PTPRJ: variants seen among roughly 807,000 people sequenced by gnomAD.
The protein encoded by PTPRJ is receptor-type tyrosine-protein phosphatase eta.
Under a neutral mutation model 141.3 loss-of-function variants are expected in PTPRJ, and 129 were observed. The ratio of observed to expected loss-of-function variants is 0.91; its 90% CI spans 0.79 to 1.06. The LOEUF (loss-of-function observed/expected upper bound fraction) is 1.06, where lower values mean the gene tolerates loss of function less well. Among genes scored for constraint, PTPRJ ranks in the 50% least tolerant of loss-of-function variants. The pLI is 0.00. For missense variants in PTPRJ, 1,601 were observed against 1,679.7 expected (o/e 0.95, Z 0.82); for synonymous variants, 610 against 640.5 (o/e 0.95, Z 0.72).
chr11:48,100,470 C>T (rs183015628), intron 1 of PTPRJ, among the ~76,000 whole-genome samples: 1 of 152,314 alleles, frequency 6.6e-6, no homozygotes, highest in Admixed American at 6.5e-5. Context: ...CTTGTCACAA[C>T]AGTCTTATGA....
intron 1 of PTPRJ, among the ~76,000 whole-genome samples, chr11:48,066,489 C>T (rs768703070): frequency 1.3e-5 from 2 of 151,852 alleles, no homozygotes; most frequent in Non-Finnish European, 2.9e-5. Flanking sequence ...CCAGATCTCC[C>T]CTCTCCACTG....
intron 1 of PTPRJ, among the ~76,000 whole-genome samples, chr11:48,051,552 T>G (rs543783167): frequency 2.6e-5 from 4 of 152,188 alleles, no homozygotes; most frequent in African/African-American, 9.6e-5. Context: ...CACAGTGGGG[T>G]GGGTCTCATC....
At chr11:48,143,549 C>A (rs2134367862) in intron 12 of PTPRJ, among the ~76,000 whole-genome samples, 1 of 152,252 alleles carries the variant, frequency 6.6e-6, no homozygotes, top group Non-Finnish European at 1.5e-5. Context: ...GGATGACTTT[C>A]CTTTGAAAGA....
chr11:48,135,627 G>A (rs1857082535), intron 8 of PTPRJ, among the ~76,000 whole-genome samples: 2 of 151,972 alleles, frequency 1.3e-5, no homozygotes, highest in South Asian at 2.1e-4. Context: ...GATTACAGGC[G>A]TGTACCACCA....
At chr11:48,126,254 A>T (rs1266432527) in intron 6 of PTPRJ, among the ~76,000 whole-genome samples, 1 of 152,076 alleles carries the variant, frequency 6.6e-6, no homozygotes, top group African/African-American at 2.4e-5. Flanking sequence ...TTTTTAAAGC[A>T]GTTTGAGCAA....
intron 3 of PTPRJ, among the ~76,000 whole-genome samples, chr11:48,116,552 A>T (rs1374504053): frequency 6.6e-6 from 1 of 152,228 alleles, no homozygotes; most frequent in East Asian, 1.9e-4. Context: ...ATCAGACTTA[A>T]ACTACAGTTT....
intron 1 of PTPRJ, among the ~76,000 whole-genome samples, chr11:47,987,649 A>G (rs913992851): frequency 6.6e-6 from 1 of 152,246 alleles, no homozygotes; most frequent in Non-Finnish European, 1.5e-5. Flanking sequence ...GCCAGTCCCT[A>G]AGTGGAGATC....
chr11:48,030,225 A>G (rs1329075775), intron 1 of PTPRJ, among the ~76,000 whole-genome samples: 1 of 152,236 alleles, frequency 6.6e-6, no homozygotes, highest in Non-Finnish European at 1.5e-5. Context: ...ACTTAGGATT[A>G]ACTTTAGCTG....
At chr11:48,163,760 C>A in intron 23 of PTPRJ, 142 bp downstream of exon 23, 1 of 1,038,248 alleles carries the variant, frequency 9.6e-7, no homozygotes, top group Non-Finnish European at 1.4e-6. Context: ...CATGGACTTA[C>A]TCCCTAAGCC....
chr11:48,078,063 C>CT (rs1278824418), intron 1 of PTPRJ, among the ~76,000 whole-genome samples: 278 of 141,428 alleles, frequency 2.0e-3, no homozygotes, highest in Non-Finnish European at 2.1e-3. Flanking sequence ...TTTTCTTTTT[C>CT]TTTTTTTTTT....
In PTPRJ at chr11:48,092,312, A is replaced by AAAAAAG. The variant is rs1855890008; in HGVS notation, c.97-17734_97-17729dup. Among the ~76,000 whole-genome samples, 4 of 148,886 alleles carry AAAAAAG rather than the reference A, an allele frequency of 2.7e-5. No homozygotes were observed. In the East Asian group the frequency reaches 5.9e-4, roughly 22 times the overall value. On this transcript the variant is annotated intron_variant, in intron 1 of 24. Transcript: ENST00000418331. ...TTCATCTCAAAAAAAAAAAAAAAAAAAAAAAGAAAAAGAAAAAAAGAAATG... is the reference window on the plus strand; with the variant it reads ...TTCATCTCAAAAAAAAAAAAAAAAAAAAAAAGAAAAAGAAAAAGAAAAAAAGAAATG...
chr11:48,100,053 C>G (rs1263738571), intron 1 of PTPRJ, among the ~76,000 whole-genome samples: 2 of 152,120 alleles, frequency 1.3e-5, no homozygotes, highest in African/African-American at 4.8e-5. Context: ...CAGCAGACCC[C>G]ACTGGCAGGT....
intron 1 of PTPRJ, among the ~76,000 whole-genome samples, chr11:48,004,649 C>T (rs1041598020): frequency 1.3e-5 from 2 of 152,116 alleles, no homozygotes; most frequent in African/African-American, 4.8e-5. Flanking sequence ...TGAATGTTAG[C>T]AGCCCAGGCC....
chr11:48,105,941 T>C (rs1856277155), intron 1 of PTPRJ, among the ~76,000 whole-genome samples: 1 of 152,110 alleles, frequency 6.6e-6, no homozygotes, highest in African/African-American at 2.4e-5. Context: ...TACCCCAGGA[T>C]TCTTGCCCAT....
rs775296495 is a variant in PTPRJ, at chr11:48,163,439, T to A, written c.3559-19T>A. 3 of 1,612,166 alleles carry A rather than the reference T, an allele frequency of 1.9e-6. 1 individual carries two copies. The South Asian group carries it at 3.3e-5, about 18-fold the overall frequency. The stretch of plus-strand genomic sequence containing the variant: ...GGCAGCCTTTCTGTCTGGATCTAAA[T>A]CATTTTCTGGGCTTTTAGATCCAGA... On this transcript the variant is annotated intron_variant, in intron 22 of 24. Transcript: ENST00000418331.
chr11:48,159,573 T>A (rs538794450), intron 21 of PTPRJ, among the ~76,000 whole-genome samples: 8 of 152,282 alleles, frequency 5.3e-5, no homozygotes, highest in African/African-American at 1.9e-4. Flanking sequence ...TTTTAAGAGT[T>A]GGCAAGAATT....
In PTPRJ at chr11:48,137,159, T is replaced by A; in HGVS notation, c.2030T>A (p.Ile677Asn). Residue 677 changes from isoleucine to asparagine, a missense_variant, in exon 10 of 25, where the codon ATT becomes AAT. Coordinates refer to ENST00000418331, the MANE Select transcript of PTPRJ (RefSeq NM_002843.4). ...AACGCAACACAAGTAGTCACGGACA[T>A]TGGAATTACTGACGCTACAGTCACT... is the stretch of plus-strand genomic sequence containing the variant. ...SSNATQVVTD[I>N]GITDATVTEL... 1 of 1,612,832 alleles carries A rather than the reference T, an allele frequency of 6.2e-7. No individual in the cohort carries two copies.
At chr11:48,067,139 T>G (rs1855107975) in intron 1 of PTPRJ, among the ~76,000 whole-genome samples, 2 of 152,162 alleles carry the variant, frequency 1.3e-5, no homozygotes, top group Admixed American at 6.5e-5. Context: ...ACCCCGCCCC[T>G]TCCTTTTTTC....
chr11:48,107,182 T>C (rs1285326564), intron 1 of PTPRJ, among the ~76,000 whole-genome samples: 3 of 151,848 alleles, frequency 2.0e-5, no homozygotes, highest in Non-Finnish European at 4.4e-5. Flanking sequence ...TCTTTTTCTC[T>C]GAGGCCTGGA....
Sources: gnomAD v4.1 joint callset for allele counts (sites outside exome capture counted in the v4.1 genomes callset) on GRCh38, gnomAD v4.1.1 for gene constraint, MANE v1.5 for transcripts, NCBI Gene and HGNC (gene_info 2026-07-23, HGNC 2026-07-21) for gene names.